KLF11: variants seen among roughly 807,000 people sequenced by gnomAD.
KLF11 encodes the protein KLF transcription factor 11.
In KLF11, 26 loss-of-function variants were observed where a neutral mutation model predicts 29.9. That is an observed-to-expected ratio of 0.87 (90% confidence interval 0.64 to 1.21). KLF11 has a LOEUF of 1.21. KLF11 is among the 50% of genes most tolerant of loss of function. The probability of loss-of-function intolerance (pLI) is 0.00; values close to 1 mark genes in which losing one functional copy is unlikely to be tolerated. For missense variants in KLF11, 778 were observed against 665.7 expected, an observed-to-expected ratio of 1.17 and a Z score of -1.86; for synonymous variants, 318 against 257.4, an observed-to-expected ratio of 1.24 and a Z score of -2.25.
chr2:10,043,988 T>C (rs1291502842), intron 1 of KLF11: 4 of 839,356 alleles, frequency 4.8e-6, no homozygotes, highest in Admixed American at 6.0e-5. Context: ...CCGCGCAGCT[T>C]TGTCTTGCGC....
chr2:10,050,623 C>T (rs961352665), intron 3 of KLF11, among the ~76,000 whole-genome samples: 11 of 151,936 alleles, frequency 7.2e-5, no homozygotes, highest in Non-Finnish European at 1.6e-4. Flanking sequence ...GCAGGAGAAT[C>T]GCTTGAGCCT....
chr2:10,044,544 T>G (rs546227728), intron 1 of KLF11: 1 of 628,680 alleles, frequency 1.6e-6, no homozygotes, highest in Admixed American at 6.3e-5. Flanking sequence ...GGTGGCCTCG[T>G]CTTGTTTGAT....
chr2:10,043,743 AGAC>A lies in KLF11; in HGVS notation c.32_34del (p.Asp11del). 7.3e-7 allele frequency: 1 copy of A among 1,373,234 alleles called. No individual in the cohort carries two copies. The highest frequency in any genetic ancestry group is 9.5e-7 in the Non-Finnish European group (1 of 1,047,702). The allele number at this position is 1,373,234 out of a possible 1,614,324, so 85.1% of individuals were successfully genotyped here. ...TGCACACGCCGGACTTCGCAGGCCC[AGAC>A]GACGCGCGCGCAGTGAGTGGTGGGG... On this transcript the variant is annotated inframe_deletion, in exon 1 of 4. Coordinates refer to ENST00000305883, the MANE Select transcript of KLF11 (RefSeq NM_003597.5).
Position 10,054,134 on chromosome 2 carries a change from T to G in KLF11, c.*1627T>G, listed in dbSNP as rs1488823524. On this transcript the variant is annotated 3_prime_UTR_variant, in exon 4 of 4. Transcript: ENST00000305883. Reference sequence around the variant, plus strand: ...GTGTGTTATTCAGAGGTTTTCAGTCTGGACACTCCATAGGTGAGTGTCGTG... The same window carrying G: ...GTGTGTTATTCAGAGGTTTTCAGTCGGGACACTCCATAGGTGAGTGTCGTG... The G allele has an allele frequency of 6.6e-6, 1 of 152,202 alleles. No homozygotes were observed. Among genetic ancestry groups the G allele is most frequent in the Non-Finnish European group, 1.5e-5 (1 of 68,036 alleles). The allele number at this position is 152,202 out of a possible 1,614,324, so 9.4% of individuals were successfully genotyped here.
chr2:10,051,872 C>T (rs1661416871), intron 3 of KLF11, among the ~76,000 whole-genome samples: 1 of 152,172 alleles, frequency 6.6e-6, no homozygotes, highest in Admixed American at 6.5e-5. Context: ...TTGGGTTTTA[C>T]TTTGTTGCCC....
At chr2:10,048,658 G>A (rs951431852) in intron 3 of KLF11, 63 bp downstream of exon 3, 5 of 1,288,992 alleles carry the variant, frequency 3.9e-6, no homozygotes, top group African/African-American at 2.9e-5. Context: ...AGCACACCTT[G>A]AGCCGCCTTT....
intron 3 of KLF11, 74 bp from the exon 4 acceptor site, chr2:10,052,152 AT>A: frequency 7.0e-7 from 1 of 1,420,090 alleles, no homozygotes; most frequent in Non-Finnish European, 1.0e-6. Flanking sequence ...CGATTTTAAA[AT>A]GACATGAATT....
chr2:10,052,724 G>GGT lies in KLF11; in HGVS notation c.*217_*218insGT. 1 of 434,068 alleles carries GGT rather than the reference G, an allele frequency of 2.3e-6. No individual in the cohort carries two copies. Among genetic ancestry groups the GGT allele is most frequent in the Non-Finnish European group, 4.1e-6 (1 of 246,112 alleles). 26.9% of individuals were successfully genotyped at this position (434,068 alleles called of 1,614,324 possible). ...TAGTTTCAGAAGTTTTTTTGTTTTGGTTTTTTTTTTAAAGAAATGGTAGAA... is the reference window on the plus strand; with the variant it reads ...TAGTTTCAGAAGTTTTTTTGTTTTGGGTTTTTTTTTTTAAAGAAATGGTAGAA... On this transcript the variant is annotated 3_prime_UTR_variant, in exon 4 of 4. Coordinates refer to ENST00000305883, the MANE Select transcript of KLF11 (RefSeq NM_003597.5).
chr2:10,046,053 C>A (rs767511496), intron 1 of KLF11, 97 bp from the exon 2 acceptor site: 1 of 1,378,096 alleles, frequency 7.3e-7, no homozygotes, highest in South Asian at 1.2e-5. Context: ...CATTACATGC[C>A]TACTGTAGGC....
intron 1 of KLF11, chr2:10,044,333 TG>T: frequency 1.4e-5 from 14 of 985,466 alleles, no homozygotes; most frequent in South Asian, 4.7e-5. Context: ...ACGCGAGCGT[TG>T]GGGGCCCTAA....
intron 3 of KLF11, among the ~76,000 whole-genome samples, chr2:10,050,224 T>C (rs1257427523): frequency 1.3e-5 from 2 of 152,092 alleles, no homozygotes; most frequent in Admixed American, 1.3e-4. Context: ...CTGGCCAACA[T>C]GGTGAAACCC....
intron 3 of KLF11, among the ~76,000 whole-genome samples, chr2:10,051,796 C>CGT (rs1352720991): frequency 2.0e-5 from 3 of 152,110 alleles, no homozygotes; most frequent in South Asian, 2.1e-4. Context: ...GGATTACAGG[C>CGT]GTGAGCCACT....
At chr2:10,052,193 C>T (rs933407164) in intron 3 of KLF11, 34 bp from the exon 4 acceptor site, 6 of 1,609,610 alleles carry the variant, frequency 3.7e-6, no homozygotes, top group African/African-American at 1.3e-5. Flanking sequence ...TTAGCGTTTC[C>T]TTTCTCTTTA....
At chr2:10,044,156 A>ACG (rs139638572) in intron 1 of KLF11, 2 of 155,370 alleles carry the variant, frequency 1.3e-5, no homozygotes, top group Non-Finnish European at 7.6e-6. Context: ...GGAACGCGGC[A>ACG]CGGTTTTGGG....
chr2:10,046,481 T>G, intron 2 of KLF11, 62 bp downstream of exon 2: 1 of 1,570,398 alleles, frequency 6.4e-7, no homozygotes, highest in Non-Finnish European at 8.7e-7. Flanking sequence ...GAACTCAGTG[T>G]GTTGAAGAAC....
chr2:10,044,252 G>C (rs1323637825), intron 1 of KLF11: 1 of 979,480 alleles, frequency 1.0e-6, no homozygotes. Context: ...CTAGGGGCCG[G>C]GGCAACGACG....
At chr2:10,046,878 AAAAG>A (rs1476612663) in intron 2 of KLF11, among the ~76,000 whole-genome samples, 1 of 152,186 alleles carries the variant, frequency 6.6e-6, no homozygotes, top group Non-Finnish European at 1.5e-5. Flanking sequence ...AAAGAACAAA[AAAAG>A]AAACTTTTCT....
In KLF11 at chr2:10,052,453, C is replaced by A; in HGVS notation, c.1485C>A (p.Ile495=). The change falls in exon 4 of 4, where the codon ATC becomes ATA. Residue 495 remains isoleucine (I), a synonymous_variant. Coordinates refer to ENST00000305883, the MANE Select transcript of KLF11 (RefSeq NM_003597.5). ...WQAEVGKLNR[I]ASAESPGSPL... The stretch of plus-strand genomic sequence containing the variant: ...CAGAGGTTGGCAAGCTGAACAGAAT[C>A]GCCTCTGCAGAGAGCCCGGGGAGCC... 6.2e-7 allele frequency: 1 copy of A among 1,614,086 alleles called. No homozygotes were observed.
At position 10,045,084 on chromosome 2, in the gene KLF11, TGTG is replaced by T. The variant is rs545457221; in HGVS notation, c.43-1062_43-1060del. On this transcript the variant is annotated intron_variant, in intron 1 of 3. Coordinates refer to ENST00000305883, the MANE Select transcript of KLF11 (RefSeq NM_003597.5). ...TCGCTTGAACCTGGGAGGCAGAAGTTGTGGTGAGCCGAGATGGTGCCACTGCAC... is the reference window on the plus strand; with the variant it reads ...TCGCTTGAACCTGGGAGGCAGAAGTTGTGAGCCGAGATGGTGCCACTGCAC... Among the ~76,000 whole-genome samples the T allele has an allele frequency of 4.0e-3, 603 of 149,164 alleles. 8 individuals are homozygous for T. Among genetic ancestry groups the T allele is most frequent in the African/African-American group, 0.014 (575 of 40,006 alleles).
Sources: gnomAD v4.1 joint callset for allele counts (sites outside exome capture counted in the v4.1 genomes callset) on GRCh38, gnomAD v4.1.1 for gene constraint, MANE v1.5 for transcripts, NCBI Gene and HGNC (gene_info 2026-07-23, HGNC 2026-07-21) for gene names.